SOAT2: variants seen among roughly 807,000 people sequenced by gnomAD.
The protein encoded by SOAT2 is sterol O-acyltransferase 2.
SOAT2 carries 87 observed loss-of-function variants against 76.0 expected under a neutral mutation model. That is an observed-to-expected ratio of 1.14 (90% CI 0.96 to 1.37). SOAT2 has a LOEUF of 1.37. SOAT2 is among the 40% of genes most tolerant of loss of function. SOAT2 has a pLI of 0.00. For missense variants in SOAT2, 686 were observed against 682.1 expected (o/e 1.01, Z -0.06); for synonymous variants, 285 against 275.4 (o/e 1.03, Z -0.34).
intron 7 of SOAT2, among the ~76,000 whole-genome samples, chr12:53,116,942 A>C (rs1043139390): frequency 3.4e-5 from 5 of 148,848 alleles, no homozygotes; most frequent in African/African-American, 1.2e-4. Context: ...CAACGTTATT[A>C]ATTGGCCCAA....
intron 5 of SOAT2, among the ~76,000 whole-genome samples, chr12:53,111,367 A>C (rs1001456807): frequency 1.3e-5 from 2 of 152,166 alleles, no homozygotes; most frequent in Non-Finnish European, 2.9e-5. Context: ...TCGGCCTCCC[A>C]AAGTGCTGGG....
chr12:53,115,805 A>C, intron 6 of SOAT2, 151 bp downstream of exon 6: 6 of 1,012,324 alleles, frequency 5.9e-6, no homozygotes, highest in Non-Finnish European at 8.4e-6. Flanking sequence ...CCGGGGGTGG[A>C]GTCCATTACG....
Position 53,119,203 on chromosome 12 carries a change from C to T in SOAT2, c.989C>T (p.Pro330Leu). Residue 330 changes from proline to leucine, a missense_variant, in exon 10 of 15, where the codon CCC (proline) becomes CTC (leucine). Coordinates refer to ENST00000301466, the MANE Select transcript of SOAT2 (RefSeq NM_003578.4). ...GTCTTTGCCAACATGAGCCGAGAGCCCTTCAGCACCCGTGCCCTGGTGCTC... is the reference window on the plus strand; with the variant it reads ...GTCTTTGCCAACATGAGCCGAGAGCTCTTCAGCACCCGTGCCCTGGTGCTC... ...VPVFANMSREPFSTRALVLSI... is the reference protein window; with the variant it reads ...VPVFANMSRELFSTRALVLSI... The T allele has an allele frequency of 6.2e-7, 1 of 1,613,838 alleles. No individual in the cohort carries two copies.
At position 53,123,110 on chromosome 12, in the gene SOAT2, C is replaced by T; in HGVS notation, c.1266C>T (p.Ala422=). The T allele has an allele frequency of 6.2e-7, 1 of 1,613,706 alleles. No homozygotes were observed. The highest frequency in any genetic ancestry group is 1.3e-5 in the African/African-American group (1 of 75,020). The change falls in exon 13 of 15, where the codon GCC becomes GCT. Residue 422 remains alanine, a synonymous_variant. Transcript: ENST00000301466. ...TTGGTGCCCGGGCCCGAGGGGTAGCCATGCTGGGTGTGTTCCTGGTCTCCG... is the reference window on the plus strand; with the variant it reads ...TTGGTGCCCGGGCCCGAGGGGTAGCTATGCTGGGTGTGTTCCTGGTCTCCG... ...RLLGARARGV[A]MLGVFLVSAV...
chr12:53,120,624 A>G (rs368927825), intron 10 of SOAT2, among the ~76,000 whole-genome samples, 162 bp from the exon 11 acceptor site: 2 of 151,840 alleles, frequency 1.3e-5, no homozygotes, highest in East Asian at 1.9e-4. Context: ...GTCTCAAAAA[A>G]AAAAAAAAAA....
rs1938087015 is a variant in SOAT2 at position 53,115,456 on chromosome 12, G to C, written c.510G>C (p.Trp170Cys). ...AGCTGCCATTGGCGCTGGTGACCTG[G>C]GTGCCCATGTTTCTGTCCACCCTGT... ...FGQLPLALVT[W>C]VPMFLSTLLA... The change falls in exon 6 of 15, where the codon TGG (tryptophan) becomes TGC (cysteine). Residue 170 changes from tryptophan (W) to cysteine (C), a missense_variant. Physicochemically the swap from Trp to Cys is radical, Grantham distance 215. Transcript: ENST00000301466. The C allele has an allele frequency of 6.2e-7, 1 of 1,612,612 alleles. No homozygotes were observed. Among genetic ancestry groups the C allele is most frequent in the Non-Finnish European group, 8.5e-7 (1 of 1,179,832 alleles).
At position 53,119,156 on chromosome 12, in the gene SOAT2, C is replaced by G. The variant is rs372646049; in HGVS notation, c.942C>G (p.Ile314Met). Reference sequence around the variant, plus strand: ...GATGTGTGCTCTATGCCTGCTTCATCCTGGGCCGCCTCTGTGTTCCTGTCT... The same window carrying G: ...GATGTGTGCTCTATGCCTGCTTCATGCTGGGCCGCCTCTGTGTTCCTGTCT... ...ALGCVLYACF[I>M]LGRLCVPVFA... Residue 314 changes from isoleucine to methionine, a missense_variant, in exon 10 of 15, where the codon ATC (isoleucine) becomes ATG (methionine). By Grantham distance (10) the Ile-to-Met change is conservative. Coordinates refer to ENST00000301466, the MANE Select transcript of SOAT2 (RefSeq NM_003578.4). 7.4e-6 allele frequency: 12 copies of G among 1,613,846 alleles called. No individual in the cohort carries two copies. The highest frequency in any genetic ancestry group is 1.0e-5 in the Non-Finnish European group (12 of 1,179,962).
chr12:53,113,109 G>A (rs866379826), intron 5 of SOAT2, among the ~76,000 whole-genome samples: 5 of 151,974 alleles, frequency 3.3e-5, no homozygotes, highest in African/African-American at 9.7e-5. Flanking sequence ...GCTATCAAAG[G>A]GAATAAGACA....
Position 53,105,222 on chromosome 12 carries a change from C to T in SOAT2, c.254C>T (p.Pro85Leu), listed in dbSNP as rs535941242. Residue 85 changes from proline to leucine, a missense_variant, in exon 3 of 15, where the codon CCT becomes CTT. Pro to Leu is a moderately conservative substitution (Grantham distance 98). Transcript: ENST00000301466. Reference sequence around the variant, plus strand: ...TCACAAGACAAACCTCTGCCCCCACCTCCCCCAGGTTCCTTGAGCAGGTGA... The same window carrying T: ...TCACAAGACAAACCTCTGCCCCCACTTCCCCCAGGTTCCTTGAGCAGGTGA... The part of the protein sequence containing the change: ...YPSQDKPLPP[P>L]PPGSLSRTQE... 1.9e-6 allele frequency: 3 copies of T among 1,603,854 alleles called. No homozygotes were observed. Among genetic ancestry groups the T allele is most frequent in the Non-Finnish European group, 2.6e-6 (3 of 1,175,414 alleles).
At chr12:53,107,485 A>G (rs1207077027) in intron 5 of SOAT2, among the ~76,000 whole-genome samples, 2 of 152,210 alleles carry the variant, frequency 1.3e-5, no homozygotes, top group Admixed American at 1.3e-4. Flanking sequence ...ATGGGGGAAA[A>G]TGGAAAAGAA....
At chr12:53,118,290 C>A in intron 7 of SOAT2, 60 bp from the exon 8 acceptor site, 1 of 1,008,948 alleles carries the variant, frequency 9.9e-7, no homozygotes, top group Non-Finnish European at 1.6e-6. Context: ...CCCCAGCAGC[C>A]CCCTCACCTC....
chr12:53,122,759 G>A (rs748465668), intron 12 of SOAT2, among the ~76,000 whole-genome samples: 2 of 152,126 alleles, frequency 1.3e-5, no homozygotes, highest in Non-Finnish European at 2.9e-5. Context: ...GCAACCATCC[G>A]ATTTCTCAAT....
intron 8 of SOAT2, 118 bp from the exon 9 acceptor site, chr12:53,118,772 C>T: frequency 9.1e-7 from 1 of 1,098,468 alleles, no homozygotes; most frequent in Non-Finnish European, 1.4e-6. Flanking sequence ...CCTAGATAAT[C>T]CTCCCAGGCC....
rs1463169749 is a variant in SOAT2, at chr12:53,123,182, T to C, written c.1338T>C (p.Tyr446=). 2.5e-5 allele frequency: 41 copies of C among 1,614,088 alleles called. No individual in the cohort carries two copies. Among genetic ancestry groups the C allele is most frequent in the Non-Finnish European group, 3.5e-5 (41 of 1,179,988 alleles). Residue 446 remains tyrosine, a synonymous_variant, in exon 13 of 15, where the codon TAT becomes TAC. Coordinates refer to ENST00000301466, the MANE Select transcript of SOAT2 (RefSeq NM_003578.4). ...YIFCFVLGFF[Y]PVMLILFLVI... is the part of the protein sequence containing the mutation. ...TCTGCTTCGTCCTGGGGTTCTTCTA[T>C]CCCGTCATGCTGATACTCTTCCTTG...
chr12:53,116,886 AC>A (rs927500604), intron 7 of SOAT2, among the ~76,000 whole-genome samples: 25 of 151,704 alleles, frequency 1.6e-4, no homozygotes, highest in Admixed American at 6.6e-5. Flanking sequence ...AAAGTGAGAG[AC>A]ATGCAACTCT....
chr12:53,123,678 G>A, intron 13 of SOAT2, 50 bp from the exon 14 acceptor site: 2 of 1,608,234 alleles, frequency 1.2e-6, no homozygotes, highest in Non-Finnish European at 1.7e-6. Flanking sequence ...GGAAGCCAGG[G>A]AGACAAGGCA....
At chr12:53,118,028 G>A (rs553346614) in intron 7 of SOAT2, among the ~76,000 whole-genome samples, 57 of 152,280 alleles carry the variant, frequency 3.7e-4, no homozygotes, top group African/African-American at 1.3e-3. Flanking sequence ...CCTGTATTAG[G>A]AAGTCCAGAC....
Position 53,103,508 on chromosome 12 carries a change from G to C in SOAT2, c.-70G>C. ...GCTGAGTGGGACAAGAGCTCTACAG[G>C]GCAGGCCACACTGCGAAGGAAGGAG... On this transcript the variant is annotated 5_prime_UTR_variant, in exon 1 of 15. Transcript: ENST00000301466. 2 of 1,372,244 alleles carry C rather than the reference G, an allele frequency of 1.5e-6. No individual in the cohort carries two copies. Among genetic ancestry groups the C allele is most frequent in the Middle Eastern group, 1.8e-4 (1 of 5,674 alleles). 85.0% of individuals were successfully genotyped at this position (1,372,244 alleles called of 1,614,324 possible).
chr12:53,114,581 C>A (rs746817858), intron 5 of SOAT2, among the ~76,000 whole-genome samples: 72 of 152,092 alleles, frequency 4.7e-4, no homozygotes, highest in Admixed American at 1.6e-3. Flanking sequence ...ATTAGCCAGT[C>A]GTGGTGGTGC....
Sources: allele counts gnomAD v4.1 joint callset (sites outside exome capture counted in the v4.1 genomes callset), GRCh38; gene constraint gnomAD v4.1.1; transcripts MANE v1.5; gene names NCBI Gene and HGNC (gene_info 2026-07-23, HGNC 2026-07-21).